The following HMCN1 variants were observed in gnomAD, a reference collection of about 807,000 sequenced individuals.
The protein encoded by HMCN1 is hemicentin-1.
HMCN1 carries 321 observed loss-of-function variants against 625.9 expected under a neutral mutation model. The ratio of observed to expected loss-of-function variants is 0.51; its 90% CI spans 0.47 to 0.56. The LOEUF (loss-of-function observed/expected upper bound fraction) is 0.56, where lower values mean the gene tolerates loss of function less well. HMCN1 is among the 20% of genes least tolerant of loss of function. The pLI, the probability that HMCN1 is intolerant of heterozygous loss-of-function variation, is 0.00. For synonymous variants in HMCN1, 2,425 were observed against 2,417.6 expected, an observed-to-expected ratio of 1.00 and a Z score of -0.09; for missense variants, 6,588 against 6,887.3, an observed-to-expected ratio of 0.96 and a Z score of 1.54.
rs536300450 is a variant in HMCN1 at position 186,090,981 on chromosome 1, A to G, written c.9887+64A>G. The G allele has an allele frequency of 7.8e-4, 1,132 of 1,460,162 alleles. 2 individuals carry two copies. The highest frequency in any genetic ancestry group is 9.7e-4 in the Non-Finnish European group (1,011 of 1,044,280). The allele number at this position is 1,460,162 out of a possible 1,614,324, so 90.5% of individuals were successfully genotyped here. A position where few individuals can be genotyped will look rare whatever the true frequency, so the allele number is the denominator to read the frequency against. On this transcript the variant is annotated intron_variant, in intron 64 of 106. Transcript: ENST00000271588. ...CCCTTCTACAATGCTTTATGCTTCA[A>G]ATTTCACATGAATAATAATACCGAA... is the stretch of plus-strand genomic sequence containing the variant.
intron 2 of HMCN1, among the ~76,000 whole-genome samples, chr1:185,853,919 T>C (rs1334297661): frequency 6.6e-6 from 1 of 152,192 alleles, no homozygotes; most frequent in Admixed American, 6.5e-5. Context: ...ATATTGCAGA[T>C]TCCTGTGGCC....
intron 106 of HMCN1, among the ~76,000 whole-genome samples, chr1:186,188,913 A>G (rs1032955533): frequency 6.6e-5 from 10 of 152,172 alleles, no homozygotes; most frequent in African/African-American, 2.4e-4. Context: ...CTTTATTACC[A>G]TCGGTTTCTG....
intron 105 of HMCN1, among the ~76,000 whole-genome samples, chr1:186,186,992 TCTCA>T (rs781720899): frequency 0.015 from 1,458 of 95,442 alleles, 16 homozygotes; most frequent in African/African-American, 0.046. Context: ...TCTGTCTCTG[TCTCA>T]CACACACACA....
At chr1:186,081,519 C>T in intron 56 of HMCN1, 125 bp downstream of exon 56, 2 of 686,510 alleles carry the variant, frequency 2.9e-6, no homozygotes, top group Non-Finnish European at 4.9e-6. Context: ...AAATAACCAA[C>T]CATCAAAGGT....
intron 72 of HMCN1, among the ~76,000 whole-genome samples, chr1:186,113,337 G>T (rs1311321823): frequency 6.6e-6 from 1 of 152,170 alleles, no homozygotes; most frequent in African/African-American, 2.4e-5. Context: ...ACTGTCATAG[G>T]ACTGTAATCT....
chr1:185,755,802 G>A (rs1655097300), intron 1 of HMCN1, among the ~76,000 whole-genome samples: 1 of 152,154 alleles, frequency 6.6e-6, no homozygotes, highest in South Asian at 2.1e-4. Context: ...AGCTGGGAAT[G>A]GGAGTAAAGG....
At chr1:185,924,106 T>C (rs1667142140) in intron 8 of HMCN1, among the ~76,000 whole-genome samples, 1 of 152,006 alleles carries the variant, frequency 6.6e-6, no homozygotes, top group Non-Finnish European at 1.5e-5. Flanking sequence ...TTTGCTACTA[T>C]GTAGAGAGGA....
At chr1:186,027,651 T>C (rs1319903981) in intron 36 of HMCN1, among the ~76,000 whole-genome samples, 1 of 152,172 alleles carries the variant, frequency 6.6e-6, no homozygotes, top group Non-Finnish European at 1.5e-5. Flanking sequence ...GCCTGGCTCC[T>C]AGTCAGCATC....
At chr1:186,154,606 A>C (rs1571429334) in intron 97 of HMCN1, among the ~76,000 whole-genome samples, 5 of 152,330 alleles carry the variant, frequency 3.3e-5, no homozygotes, top group Admixed American at 3.3e-4. Context: ...TATTGTTTTG[A>C]ATTTTGTTTG....
chr1:186,151,137 T>C (rs900783752), intron 93 of HMCN1, 63 bp from the exon 94 acceptor site: 11 of 1,539,768 alleles, frequency 7.1e-6, no homozygotes, highest in Non-Finnish European at 8.1e-6. Context: ...GGCCCTCTTT[T>C]CTCCCATGTA....
intron 4 of HMCN1, among the ~76,000 whole-genome samples, chr1:185,895,890 G>T (rs973385795): frequency 6.6e-6 from 1 of 152,014 alleles, no homozygotes; most frequent in East Asian, 1.9e-4. Flanking sequence ...TGCCACATTT[G>T]GTTTGTTCCC....
intron 1 of HMCN1, 83 bp downstream of exon 1, chr1:185,735,130 G>A (rs1309583801): frequency 6.8e-7 from 1 of 1,465,102 alleles, no homozygotes; most frequent in Non-Finnish European, 9.5e-7. Context: ...TGTTTGTCAG[G>A]AAGTTTCAAA....
intron 1 of HMCN1, among the ~76,000 whole-genome samples, chr1:185,816,660 G>T (rs938156034): frequency 1.2e-4 from 19 of 152,274 alleles, no homozygotes; most frequent in African/African-American, 4.6e-4. Context: ...CAGAGAAAAT[G>T]ACTCAGAACT....
chr1:186,055,549 A>T lies in HMCN1; in HGVS notation c.7019A>T (p.Glu2340Val). 6.2e-7 allele frequency: 1 copy of T among 1,612,934 alleles called. No individual in the cohort carries two copies. The highest frequency in any genetic ancestry group is 8.5e-7 in the Non-Finnish European group (1 of 1,179,282). The change falls in exon 45 of 107, where the codon GAA becomes GTA. Residue 2340 changes from glutamate to valine, a missense_variant. Glu to Val is a moderately radical substitution (Grantham distance 121, BLOSUM62 -2). This residue lies in a region of HMCN1 where 4,628 missense variants were observed against 4,853.1 expected (regional missense o/e 0.95). Coordinates refer to ENST00000271588, the MANE Select transcript of HMCN1 (RefSeq NM_031935.3). Reference protein sequence around the residue: ...GHPLIKAKGVEILDEGHILQL... With the variant: ...GHPLIKAKGVVILDEGHILQL... ...CCCTTGATCAAGGCAAAGGGAGTAG[A>T]AATACTGGATGAAGGTCACATCCTT...
chr1:186,019,537 A>G lies in HMCN1; in HGVS notation c.5471-4A>G. ...CATTCCCTCTCCCCCTTCCTTAAAT[A>G]TAGTTCCTCCAACAATCAAGTCCTC... On this transcript the variant is annotated splice_region_variant and splice_polypyrimidine_tract_variant and intron_variant, in intron 34 of 106. Transcript: ENST00000271588. 1.2e-5 allele frequency: 19 copies of G among 1,605,510 alleles called. No homozygotes were observed. Among genetic ancestry groups the G allele is most frequent in the Non-Finnish European group, 1.6e-5 (19 of 1,172,746 alleles).
rs192492612 is a variant in HMCN1, at chr1:185,780,595, A to G, written c.268+45548A>G. 2.7e-3 allele frequency among the ~76,000 whole-genome samples: 404 copies of G among 152,308 alleles called. 2 individuals are homozygous for G. Among genetic ancestry groups the G allele is most frequent in the Non-Finnish European group, 4.4e-3 (300 of 68,018 alleles). ...TTTGTCGAAGGCCTTTTCTGCATCTATTGAGATAATCATGTGGTTTTTGTC... is the reference window on the plus strand; with the variant it reads ...TTTGTCGAAGGCCTTTTCTGCATCTGTTGAGATAATCATGTGGTTTTTGTC... On this transcript the variant is annotated intron_variant, in intron 1 of 106. Coordinates refer to ENST00000271588, the MANE Select transcript of HMCN1 (RefSeq NM_031935.3).
At chr1:185,849,232 C>T (rs1474967856) in intron 2 of HMCN1, among the ~76,000 whole-genome samples, 2 of 152,160 alleles carry the variant, frequency 1.3e-5, no homozygotes, top group Non-Finnish European at 1.5e-5. Flanking sequence ...GGCATTTTTG[C>T]ACATGCTGTT....
rs1465664555 is a variant in HMCN1 at position 186,087,118 on chromosome 1, C to G, written c.9047-99C>G. On this transcript the variant is annotated intron_variant, in intron 58 of 106. Coordinates refer to ENST00000271588, the MANE Select transcript of HMCN1 (RefSeq NM_031935.3). The stretch of plus-strand genomic sequence containing the variant: ...GGAAGGCTTCTCTATAAATTTTACT[C>G]TAAGGGGAAGGATATATGTTGCTAT... The G allele has an allele frequency of 8.9e-6, 7 of 785,352 alleles. 1 individual carries two copies. Among genetic ancestry groups the G allele is most frequent in the South Asian group, 7.2e-5 (5 of 69,860 alleles). The allele number at this position is 785,352 out of a possible 1,614,324, so 48.6% of individuals were successfully genotyped here.
chr1:185,925,763 T>C (rs1667244668), intron 9 of HMCN1, among the ~76,000 whole-genome samples: 1 of 151,976 alleles, frequency 6.6e-6, no homozygotes, highest in Admixed American at 6.6e-5. Context: ...AGAAAGATGA[T>C]CAAAAAGGTA....
Sources: allele counts gnomAD v4.1 joint callset (sites outside exome capture counted in the v4.1 genomes callset), GRCh38; gene constraint gnomAD v4.1.1; regional missense constraint gnomAD v4.1.1; transcripts MANE v1.5; gene names NCBI Gene and HGNC (gene_info 2026-07-23, HGNC 2026-07-21).